Variants in CR1 observed in about 807,000 individuals in gnomAD.
CR1 encodes the protein complement C3b/C4b receptor 1 (Knops blood group), also known as complement receptor type 1.
Under a neutral mutation model 187.3 loss-of-function variants are expected in CR1, and 116 were observed. That is an observed-to-expected ratio of 0.62 (90% confidence interval 0.53 to 0.72). The LOEUF is 0.72. CR1 is among the 30% of genes least tolerant of loss of function. The pLI, the probability that CR1 is intolerant of heterozygous loss-of-function variation, is 0.00. For missense variants in CR1, 1,731 were observed against 2,110.7 expected (o/e 0.82, Z 3.52); for synonymous variants, 576 against 747.1 (o/e 0.77, Z 3.73).
intron 28 of CR1, among the ~76,000 whole-genome samples, chr1:207,577,264 AC>A (rs201901290): frequency 3.5e-4 from 51 of 145,126 alleles, no homozygotes; most frequent in Middle Eastern, 3.5e-3. Flanking sequence ...AAACAAACAA[AC>A]AAAAAAAAAA....
intron 29 of CR1, among the ~76,000 whole-genome samples, chr1:207,579,999 T>C (rs1407666335): frequency 6.6e-6 from 1 of 152,150 alleles, no homozygotes; most frequent in Non-Finnish European, 1.5e-5. Flanking sequence ...ATGGTACAAA[T>C]CGGGATTACC....
intron 4 of CR1, among the ~76,000 whole-genome samples, chr1:207,515,263 A>C (rs1260606810): frequency 6.8e-6 from 1 of 147,522 alleles, no homozygotes; most frequent in East Asian, 1.9e-4. Flanking sequence ...GTATATACGT[A>C]TACGTATACA....
intron 46 of CR1, among the ~76,000 whole-genome samples, chr1:207,632,182 C>G (rs1376500669): frequency 1.3e-5 from 2 of 152,166 alleles, no homozygotes; most frequent in African/African-American, 4.8e-5. Flanking sequence ...TTTGTCATTA[C>G]TGTTTATGAA....
At chr1:207,611,260 G>A (rs897351785) in intron 37 of CR1, among the ~76,000 whole-genome samples, 4 of 152,162 alleles carry the variant, frequency 2.6e-5, no homozygotes, top group African/African-American at 7.2e-5. Flanking sequence ...TGAAGAATAC[G>A]TGAAGGTGTC....
intron 4 of CR1, among the ~76,000 whole-genome samples, chr1:207,520,868 G>A (rs1201419850): frequency 6.6e-6 from 1 of 150,660 alleles, no homozygotes; most frequent in African/African-American, 2.4e-5. Context: ...TTTTAAAATG[G>A]ATTACACTTT....
chr1:207,577,399 A>G (rs756209436), intron 28 of CR1, among the ~76,000 whole-genome samples: 17 of 152,256 alleles, frequency 1.1e-4, no homozygotes, highest in Non-Finnish European at 2.4e-4. Context: ...AGATGAGAAT[A>G]ATATTGTCAA....
At chr1:207,621,889 G>A (rs1223361850) in intron 43 of CR1, 84 bp from the exon 44 acceptor site, 14 of 1,138,970 alleles carry the variant, frequency 1.2e-5, no homozygotes, top group Non-Finnish European at 1.7e-5. Context: ...AGAAAAATCA[G>A]GATGACTTGT....
At chr1:207,498,498 A>G (rs1461510171) in intron 1 of CR1, among the ~76,000 whole-genome samples, 1 of 152,222 alleles carries the variant, frequency 6.6e-6, no homozygotes. Context: ...CAAATGTAGG[A>G]CAACCCCTGA....
At chr1:207,567,343 G>A (rs999481480) in intron 24 of CR1, among the ~76,000 whole-genome samples, 3 of 146,570 alleles carry the variant, frequency 2.0e-5, no homozygotes, top group African/African-American at 7.9e-5. Flanking sequence ...TGAGATTGAT[G>A]ATCAATATCA....
At chr1:207,620,363 T>C (rs1157604876) in intron 43 of CR1, among the ~76,000 whole-genome samples, 1 of 152,226 alleles carries the variant, frequency 6.6e-6, no homozygotes, top group Non-Finnish European at 1.5e-5. Flanking sequence ...GTTTTCAGCA[T>C]GAGTTAGGGA....
At chr1:207,586,128 G>GTA (rs754453301) in intron 33 of CR1, among the ~76,000 whole-genome samples, 1 of 151,674 alleles carries the variant, frequency 6.6e-6, no homozygotes, top group African/African-American at 2.4e-5. Flanking sequence ...TTTGTTTTGT[G>GTA]TGTGTGTGTG....
At chr1:207,526,071 T>C (rs1293564830) in intron 5 of CR1, among the ~76,000 whole-genome samples, 2 of 152,098 alleles carry the variant, frequency 1.3e-5, no homozygotes, top group Non-Finnish European at 2.9e-5. Context: ...GCCCTTACAA[T>C]ATGTTGCGTA....
chr1:207,617,545 GTA>G (rs1329544955), intron 41 of CR1, among the ~76,000 whole-genome samples: 2,230 of 104,838 alleles, frequency 0.021, 172 homozygotes, highest in African/African-American at 0.057. Flanking sequence ...GTGTATGTGT[GTA>G]TATATATATG....
chr1:207,607,121 C>T (rs2102380583), intron 35 of CR1, 130 bp from the exon 36 acceptor site: 1 of 623,656 alleles, frequency 1.6e-6, no homozygotes, highest in East Asian at 2.7e-5. Context: ...GATGGGGTTT[C>T]TTCCTTCCGA....
chr1:207,616,133 C>T (rs912316747), intron 40 of CR1, among the ~76,000 whole-genome samples: 1 of 152,102 alleles, frequency 6.6e-6, no homozygotes, highest in Admixed American at 6.5e-5. Flanking sequence ...CACCAAGAAA[C>T]ATTTACATTG....
chr1:207,565,001 A>G (rs1660449708), intron 23 of CR1, among the ~76,000 whole-genome samples: 1 of 150,292 alleles, frequency 6.7e-6, no homozygotes, highest in Non-Finnish European at 1.5e-5. Context: ...AAATTCAGTC[A>G]TATATCTTCT....
At chr1:207,574,934 A>C (rs1244438052) in intron 27 of CR1, among the ~76,000 whole-genome samples, 1 of 152,192 alleles carries the variant, frequency 6.6e-6, no homozygotes, top group Non-Finnish European at 1.5e-5. Flanking sequence ...CAAGGAATGC[A>C]TTTGTCTCTT....
chr1:207,604,561 T>C (rs1412219353), intron 35 of CR1, among the ~76,000 whole-genome samples: 1 of 152,212 alleles, frequency 6.6e-6, no homozygotes, highest in Non-Finnish European at 1.5e-5. Flanking sequence ...AATAATTCAG[T>C]TTTCCGTGTC....
At chr1:207,507,417 CT>C (rs1299869731) in intron 3 of CR1, 1 of 152,462 alleles carries the variant, frequency 6.6e-6, no homozygotes, top group Non-Finnish European at 1.5e-5. Flanking sequence ...TGTCTCTGTC[CT>C]CACATGGCCG....
Sources: allele counts gnomAD v4.1 joint callset (sites outside exome capture counted in the v4.1 genomes callset), GRCh38; gene constraint gnomAD v4.1.1; transcripts MANE v1.5; gene names NCBI Gene and HGNC (gene_info 2026-07-23, HGNC 2026-07-21).